The following THEMIS variants were observed in gnomAD, a reference collection of about 807,000 sequenced individuals.
THEMIS encodes protein THEMIS.
In THEMIS, 37 loss-of-function variants were observed where a neutral mutation model predicts 52.6. The ratio of observed to expected loss-of-function variants is 0.70; its 90% CI spans 0.54 to 0.93. The LOEUF (loss-of-function observed/expected upper bound fraction) is 0.93, where lower values mean the gene tolerates loss of function less well. Among genes scored for constraint, THEMIS ranks in the 40% least tolerant of loss-of-function variants. The pLI is 0.00. For synonymous variants in THEMIS, 292 were observed against 272.7 expected (o/e 1.07, Z -0.70); for missense variants, 808 against 763.1 (o/e 1.06, Z -0.69).
upstream of THEMIS, among the ~76,000 whole-genome samples, chr6:127,903,909 A>G (rs983030737): frequency 1.6e-4 from 25 of 152,028 alleles, no homozygotes; most frequent in African/African-American, 6.0e-4. Flanking sequence ...CTTTTTAAAA[A>G]AGCTGTTTTA....
chr6:127,845,523 GA>G (rs1474258260), intron 2 of THEMIS, among the ~76,000 whole-genome samples: 1 of 151,682 alleles, frequency 6.6e-6, no homozygotes, highest in Admixed American at 6.6e-5. Context: ...CTGTAATCAC[GA>G]AAAAATAATC....
chr6:127,903,796 G>A (rs1195024577), upstream of THEMIS, among the ~76,000 whole-genome samples: 6 of 151,000 alleles, frequency 4.0e-5, no homozygotes, highest in Admixed American at 1.3e-4. Flanking sequence ...AAGGCCACTT[G>A]TTAGTCAATA....
chr6:127,814,759 T>C (rs574090636), intron 3 of THEMIS, among the ~76,000 whole-genome samples: 1 of 152,248 alleles, frequency 6.6e-6, no homozygotes, highest in South Asian at 2.1e-4. Context: ...TCACGAGTCT[T>C]CCTTTGAGAC....
At chr6:127,880,777 G>A (rs1780461385) in intron 1 of THEMIS, among the ~76,000 whole-genome samples, 1 of 152,032 alleles carries the variant, frequency 6.6e-6, no homozygotes, top group South Asian at 2.1e-4. Context: ...ATGTAGAGTA[G>A]CTGAAAATTG....
Position 127,749,803 on chromosome 6 carries a change from T to C in THEMIS, c.1759-29980A>G, listed in dbSNP as rs1775572116. Among the ~76,000 whole-genome samples, 6 of 151,592 alleles carry C rather than the reference T, an allele frequency of 4.0e-5. No homozygotes were observed. The South Asian group carries it at 1.3e-3, about 32-fold the overall frequency. On this transcript the variant is annotated intron_variant, in intron 4 of 5. Coordinates refer to ENST00000368248, the MANE Select transcript of THEMIS (RefSeq NM_001010923.3). The stretch of plus-strand genomic sequence containing the variant: ...GACATATAGCTGAACTGAAAGTTTA[T>C]TAGAGCAAAATACATCCTAGAGAAT...
intron 4 of THEMIS, among the ~76,000 whole-genome samples, chr6:127,776,859 T>C (rs1051484892): frequency 3.9e-5 from 6 of 152,248 alleles, no homozygotes; most frequent in African/African-American, 1.4e-4. Context: ...ATTAGTTGCA[T>C]ACACATATAA....
chr6:127,731,564 C>G lies in THEMIS; in HGVS notation c.1759-11741G>C, dbSNP rs528778018. On this transcript the variant is annotated intron_variant, in intron 4 of 5. Transcript: ENST00000368248. ...AATCTTCGGCATTTTTTTTTCTAAG[C>G]ATTTGTCAAGGGCATTTTCAGAAAA... 1.0e-4 allele frequency among the ~76,000 whole-genome samples: 15 copies of G among 145,522 alleles called. No individual in the cohort carries two copies. In the East Asian group the frequency reaches 3.0e-3, roughly 29 times the overall value.
At chr6:127,857,842 A>C (rs1779669199) in intron 1 of THEMIS, among the ~76,000 whole-genome samples, 1 of 152,096 alleles carries the variant, frequency 6.6e-6, no homozygotes, top group Non-Finnish European at 1.5e-5. Context: ...TGCAAAACTA[A>C]CATAGAGGGG....
chr6:127,705,139 G>C (rs1773782777), downstream of THEMIS, among the ~76,000 whole-genome samples: 1 of 152,202 alleles, frequency 6.6e-6, no homozygotes, highest in South Asian at 2.1e-4. Context: ...GATTCAGATA[G>C]AGTTGAATAT....
At chr6:127,911,893 C>T (rs866464615) in intron 1 of THEMIS, among the ~76,000 whole-genome samples, 22 of 151,514 alleles carry the variant, frequency 1.5e-4, no homozygotes, top group African/African-American at 3.9e-4. Flanking sequence ...GTCCTTCAGA[C>T]CCCAGAATGG....
At chr6:127,763,654 C>A (rs1225389832) in intron 4 of THEMIS, among the ~76,000 whole-genome samples, 1 of 151,796 alleles carries the variant, frequency 6.6e-6, no homozygotes, top group Non-Finnish European at 1.5e-5. Context: ...ACTTCATTTT[C>A]TCTTCATATA....
chr6:127,737,031 TTTAAAG>T (rs750992481), intron 4 of THEMIS, among the ~76,000 whole-genome samples: 3 of 152,322 alleles, frequency 2.0e-5, no homozygotes, highest in African/African-American at 7.2e-5. Flanking sequence ...CACTGTTGCC[TTTAAAG>T]TTAGACTGTA....
At chr6:127,902,340 A>T (rs572392878), upstream of THEMIS, among the ~76,000 whole-genome samples, 118 of 127,484 alleles carry the variant, frequency 9.3e-4, 1 homozygote, top group South Asian at 2.7e-3. Context: ...AAAAAAAAAA[A>T]AAAAATAAAG....
intron 5 of THEMIS, among the ~76,000 whole-genome samples, chr6:127,718,619 A>G (rs1316832196): frequency 6.6e-6 from 1 of 152,030 alleles, no homozygotes; most frequent in Non-Finnish European, 1.5e-5. Context: ...ACAAGTTCCA[A>G]TGAATTAATA....
chr6:127,865,998 G>A (rs554300883), intron 1 of THEMIS, among the ~76,000 whole-genome samples: 17 of 152,168 alleles, frequency 1.1e-4, no homozygotes, highest in African/African-American at 4.1e-4. Flanking sequence ...ATTTGTAACA[G>A]AATGGAATCC....
intron 3 of THEMIS, among the ~76,000 whole-genome samples, chr6:127,823,051 A>C (rs1470597480): frequency 6.6e-6 from 1 of 152,188 alleles, no homozygotes; most frequent in Non-Finnish European, 1.5e-5. Context: ...AATTAGGTAT[A>C]TTTAGCACAC....
upstream of THEMIS, among the ~76,000 whole-genome samples, chr6:127,905,160 A>G (rs567286398): frequency 1.1e-3 from 166 of 152,210 alleles, 1 homozygote; most frequent in African/African-American, 3.8e-3. Flanking sequence ...CAACACCACC[A>G]AGGAGGATAA....
chr6:127,752,971 T>C (rs1281542174), intron 4 of THEMIS, among the ~76,000 whole-genome samples: 1 of 151,870 alleles, frequency 6.6e-6, no homozygotes, highest in Non-Finnish European at 1.5e-5. Context: ...TCATTCACTA[T>C]GAGCAAGATT....
At chr6:127,817,499 G>A (rs1026087313) in intron 3 of THEMIS, among the ~76,000 whole-genome samples, 1 of 151,564 alleles carries the variant, frequency 6.6e-6, no homozygotes, top group Non-Finnish European at 1.5e-5. Context: ...GAGAGATCAA[G>A]GTATAAATAT....
Sources: allele counts gnomAD v4.1 joint callset (sites outside exome capture counted in the v4.1 genomes callset), GRCh38; gene constraint gnomAD v4.1.1; transcripts MANE v1.5; gene names NCBI Gene and HGNC (gene_info 2026-07-23, HGNC 2026-07-21).